The following TRMT9B variants were observed in gnomAD, a reference collection of about 807,000 sequenced individuals.
TRMT9B encodes tRNA methyltransferase 9B (putative).
Under a neutral mutation model 11.5 loss-of-function variants are expected in TRMT9B, and 16 were observed. The observed-to-expected ratio is 1.39, with a 90% CI of 0.94 to 2.11. TRMT9B has a LOEUF of 2.11. TRMT9B is among the 30% of genes most tolerant of loss of function. The pLI is 0.00. For synonymous variants in TRMT9B, 274 were observed against 192.4 expected (o/e 1.42, Z -3.51); for missense variants, 941 against 553.8 (o/e 1.70, Z -7.02).
intron 2 of TRMT9B, among the ~76,000 whole-genome samples, chr8:13,003,236 G>C (rs1451405737): frequency 6.6e-6 from 1 of 152,156 alleles, no homozygotes; most frequent in Non-Finnish European, 1.5e-5. Flanking sequence ...GGCCAAATGA[G>C]TTCTTAAATG....
chr8:12,975,411 A>T (rs1804287832), intron 1 of TRMT9B, among the ~76,000 whole-genome samples: 1 of 151,782 alleles, frequency 6.6e-6, no homozygotes, highest in South Asian at 2.1e-4. Flanking sequence ...TTCTTCTAAA[A>T]GTAGCAGGAA....
intron 1 of TRMT9B, among the ~76,000 whole-genome samples, chr8:12,949,832 C>T (rs1048753429): frequency 6.6e-6 from 1 of 152,106 alleles, no homozygotes; most frequent in Non-Finnish European, 1.5e-5. Flanking sequence ...TACTTTCTCA[C>T]TTCCACTCCC....
chr8:13,010,386 A>G (rs1226307452), intron 3 of TRMT9B: 5 of 981,974 alleles, frequency 5.1e-6, no homozygotes, highest in Non-Finnish European at 6.0e-6. Context: ...GGAGAAGAAA[A>G]GACAGATGGT....
intron 1 of TRMT9B, among the ~76,000 whole-genome samples, chr8:12,967,280 A>G (rs572804173): frequency 6.6e-6 from 1 of 152,342 alleles, no homozygotes; most frequent in Non-Finnish European, 1.5e-5. Flanking sequence ...AAAAGTCATG[A>G]AAGGTTTTAG....
At chr8:12,999,742 C>T (rs1044785321) in intron 2 of TRMT9B, among the ~76,000 whole-genome samples, 4 of 152,044 alleles carry the variant, frequency 2.6e-5, no homozygotes, top group South Asian at 2.1e-4. Context: ...CAGCACATGA[C>T]ATATTTCAAG....
At chr8:12,987,692 CA>C (rs35989832) in intron 1 of TRMT9B, among the ~76,000 whole-genome samples, 89,271 of 150,970 alleles carry the variant, frequency 0.59, 27,020 homozygotes, top group Middle Eastern at 0.74. Flanking sequence ...TACCCTGTCT[CA>C]AAAAAAAAAA....
At chr8:12,969,070 G>A (rs747194615) in intron 1 of TRMT9B, among the ~76,000 whole-genome samples, 3 of 152,070 alleles carry the variant, frequency 2.0e-5, no homozygotes, top group South Asian at 2.1e-4. Context: ...AATATTGGCC[G>A]GGCGTGGTAG....
At position 13,015,140 on chromosome 8, in the gene TRMT9B, T is replaced by C. The variant is rs143406292; in HGVS notation, c.328+2283T>C. Among the ~76,000 whole-genome samples the C allele has an allele frequency of 1.7e-3, 263 of 152,016 alleles. 1 individual carries two copies. The highest frequency in any genetic ancestry group is 6.0e-3 in the African/African-American group (250 of 41,524). On this transcript the variant is annotated intron_variant, in intron 4 of 4. Coordinates refer to ENST00000524591, the MANE Select transcript of TRMT9B (RefSeq NM_020844.3). ...GAAATCTGTGGACTGCTTGGTCTTC[T>C]TTTGTCTACACTCATTTTATTTTTT...
chr8:13,000,548 C>A (rs1318753732), intron 2 of TRMT9B, among the ~76,000 whole-genome samples: 2 of 152,202 alleles, frequency 1.3e-5, no homozygotes, highest in Non-Finnish European at 2.9e-5. Flanking sequence ...GTGCCTACAT[C>A]AACTTCCCCC....
chr8:12,948,581 T>G (rs1800380431), intron 1 of TRMT9B, among the ~76,000 whole-genome samples: 1 of 149,312 alleles, frequency 6.7e-6, no homozygotes, highest in African/African-American at 2.4e-5. Context: ...AGTATATAAA[T>G]TATATGCATG....
At chr8:12,961,982 G>A (rs193237724) in intron 1 of TRMT9B, 1 of 152,336 alleles carries the variant, frequency 6.6e-6, no homozygotes, top group Non-Finnish European at 1.5e-5. Flanking sequence ...TTGGATCAGA[G>A]ACCACAGAAT....
intron 2 of TRMT9B, 79 bp from the exon 3 acceptor site, chr8:13,006,123 A>T: frequency 1.4e-6 from 2 of 1,389,166 alleles, no homozygotes; most frequent in African/African-American, 1.4e-5. Flanking sequence ...TCCAGATTTT[A>T]GGAAATCTGC....
intron 4 of TRMT9B, among the ~76,000 whole-genome samples, chr8:13,017,634 G>C (rs1455944022): frequency 1.7e-5 from 1 of 58,148 alleles, no homozygotes; most frequent in Non-Finnish European, 3.2e-5. Context: ...TTTTTTTTGA[G>C]ACAGTGTCTT....
chr8:13,021,860 C>T lies in TRMT9B; in HGVS notation c.1181C>T (p.Ser394Phe). 1 of 1,613,872 alleles carries T rather than the reference C, an allele frequency of 6.2e-7. No individual in the cohort carries two copies. The highest frequency in any genetic ancestry group is 8.5e-7 in the Non-Finnish European group (1 of 1,179,854). ...GATTTCAACCCAGATGATACAATGT[C>T]TGTCGAAGATCCACAGACTGATGTT... Reference protein sequence around the residue: ...STDFNPDDTMSVEDPQTDVLD... With the variant: ...STDFNPDDTMFVEDPQTDVLD... Residue 394 changes from serine (S) to phenylalanine (F), a missense_variant, in exon 5 of 5, where the codon TCT (serine) becomes TTT (phenylalanine). Ser to Phe is a radical substitution (Grantham distance 155, BLOSUM62 -2). Coordinates refer to ENST00000524591, the MANE Select transcript of TRMT9B (RefSeq NM_020844.3).
rs554488203 is a variant in TRMT9B at position 12,977,998 on chromosome 8, G to A, written c.-199-12836G>A. On this transcript the variant is annotated intron_variant, in intron 1 of 4. Transcript: ENST00000524591. ...GAGCTGCGACTGTACCACTGCACTC[G>A]AGCCTGCATGACAGAGCGAGACCCT... 1.4e-4 allele frequency among the ~76,000 whole-genome samples: 21 copies of A among 152,232 alleles called. No individual in the cohort carries two copies. In the South Asian group the frequency reaches 2.3e-3, roughly 17 times the overall value.
At chr8:12,946,648 A>T (rs1271173063) in intron 1 of TRMT9B, among the ~76,000 whole-genome samples, 1 of 152,212 alleles carries the variant, frequency 6.6e-6, no homozygotes, top group Non-Finnish European at 1.5e-5. Flanking sequence ...ATTTTGAGAA[A>T]TCTACACAGC....
At chr8:12,955,938 G>A (rs557382472) in intron 1 of TRMT9B, among the ~76,000 whole-genome samples, 2 of 152,262 alleles carry the variant, frequency 1.3e-5, no homozygotes, top group African/African-American at 2.4e-5. Context: ...CTAACATCAA[G>A]GGTGCACCTT....
chr8:12,950,541 C>CTTTCTTTCTTTG (rs1479739109), intron 1 of TRMT9B, among the ~76,000 whole-genome samples: 1 of 151,296 alleles, frequency 6.6e-6, no homozygotes, highest in Non-Finnish European at 1.5e-5. Flanking sequence ...GTGGTTTTTT[C>CTTTCTTTCTTTG]TTTCTTTCTT....
intron 1 of TRMT9B, among the ~76,000 whole-genome samples, chr8:12,966,326 T>C (rs1802821762): frequency 6.6e-6 from 1 of 152,168 alleles, no homozygotes. Flanking sequence ...TACAACCATG[T>C]GCCATTTAGT....
Sources: allele counts gnomAD v4.1 joint callset (sites outside exome capture counted in the v4.1 genomes callset), GRCh38; gene constraint gnomAD v4.1.1; transcripts MANE v1.5; gene names NCBI Gene and HGNC (gene_info 2026-07-23, HGNC 2026-07-21).